Variants in LCLAT1 observed in about 807,000 individuals in gnomAD.
LCLAT1 encodes 1-AGP acyltransferase 8.
LCLAT1 carries 11 observed loss-of-function variants against 30.7 expected under a neutral mutation model. The observed-to-expected ratio is 0.36, with a 90% CI of 0.23 to 0.59. The LOEUF is 0.59. LCLAT1 is among the 20% of genes least tolerant of loss of function. The pLI, the probability that LCLAT1 is intolerant of heterozygous loss-of-function variation, is 0.77. For missense variants in LCLAT1, 402 were observed against 458.6 expected (o/e 0.88, Z 1.13); for synonymous variants, 155 against 151.3 (o/e 1.02, Z -0.18).
At chr2:30,522,050 T>C (rs1404091514) in intron 1 of LCLAT1, among the ~76,000 whole-genome samples, 2 of 152,206 alleles carry the variant, frequency 1.3e-5, no homozygotes, top group Non-Finnish European at 2.9e-5. Flanking sequence ...TTATTCTGAG[T>C]AGTATGCCAT....
chr2:30,498,420 A>G (rs1235453237), intron 1 of LCLAT1, among the ~76,000 whole-genome samples: 1 of 152,224 alleles, frequency 6.6e-6, no homozygotes, highest in African/African-American at 2.4e-5. Flanking sequence ...ACATATGTCA[A>G]ATAGGTGAAA....
chr2:30,524,562 G>A (rs1685619042), intron 1 of LCLAT1, among the ~76,000 whole-genome samples: 1 of 152,106 alleles, frequency 6.6e-6, no homozygotes, highest in African/African-American at 2.4e-5. Flanking sequence ...GTGCCATTCT[G>A]AGTAGCAGGA....
intron 1 of LCLAT1, among the ~76,000 whole-genome samples, chr2:30,474,820 T>TA (rs1682967573): frequency 6.6e-6 from 1 of 151,746 alleles, no homozygotes; most frequent in African/African-American, 2.4e-5. Context: ...GGCTAATTTT[T>TA]AAAAAATTTT....
chr2:30,577,274 C>G (rs1007923963), intron 5 of LCLAT1, among the ~76,000 whole-genome samples: 1 of 151,936 alleles, frequency 6.6e-6, no homozygotes, highest in Non-Finnish European at 1.5e-5. Flanking sequence ...AAGTGTAAGA[C>G]GTTGAAAGAA....
intron 5 of LCLAT1, among the ~76,000 whole-genome samples, chr2:30,608,071 A>T (rs536803032): frequency 6.6e-6 from 1 of 152,058 alleles, no homozygotes; most frequent in African/African-American, 2.4e-5. Flanking sequence ...CTGTAATCCC[A>T]GCACTTTGGG....
At chr2:30,469,574 C>CTTTTTT (rs199634493) in intron 1 of LCLAT1, among the ~76,000 whole-genome samples, 42 of 103,770 alleles carry the variant, frequency 4.0e-4, no homozygotes, top group African/African-American at 7.5e-4. Context: ...CAGGTCTCTT[C>CTTTTTT]TTTTTTTTTT....
intron 5 of LCLAT1, among the ~76,000 whole-genome samples, chr2:30,623,754 T>C (rs897626495): frequency 1.3e-5 from 2 of 152,058 alleles, no homozygotes; most frequent in Non-Finnish European, 2.9e-5. Context: ...TACAAAAAGC[T>C]CAAAGAACAC....
chr2:30,580,501 G>A (rs138944853), intron 5 of LCLAT1, among the ~76,000 whole-genome samples: 1 of 152,292 alleles, frequency 6.6e-6, no homozygotes, highest in East Asian at 1.9e-4. Context: ...TAAGTGAAGA[G>A]TGATATAAGT....
intron 3 of LCLAT1, among the ~76,000 whole-genome samples, chr2:30,535,503 A>G (rs1363829388): frequency 6.6e-6 from 1 of 152,190 alleles, no homozygotes; most frequent in African/African-American, 2.4e-5. Flanking sequence ...CAGCATCCAC[A>G]AACAGCTGCA....
rs6704854 is a variant in LCLAT1 at position 30,533,468 on chromosome 2, G to A, written c.364+154G>A. 4.1e-3 allele frequency: 2,717 copies of A among 663,834 alleles called. 56 individuals carry two copies. The African/African-American group carries it at 0.043, about 11-fold the overall frequency. The allele number at this position is 663,834 out of a possible 1,614,324, so 41.1% of individuals were successfully genotyped here. ...TTTTGTCTTTAGTGGATCTGCTATG[G>A]CAGATGACTTTATTTTAATCTGTTT... On this transcript the variant is annotated intron_variant, in intron 3 of 5. Transcript: ENST00000379509.
At chr2:30,459,059 G>A (rs1338228468) in intron 1 of LCLAT1, among the ~76,000 whole-genome samples, 1 of 152,190 alleles carries the variant, frequency 6.6e-6, no homozygotes, top group Non-Finnish European at 1.5e-5. Context: ...AGTAGAATCA[G>A]GATCCAGGAA....
chr2:30,507,310 C>G (rs1684713165), intron 1 of LCLAT1, among the ~76,000 whole-genome samples: 1 of 152,068 alleles, frequency 6.6e-6, no homozygotes, highest in Non-Finnish European at 1.5e-5. Context: ...TAACTGATGT[C>G]TTTTCAAATT....
chr2:30,520,945 G>T (rs1223020368), intron 1 of LCLAT1, among the ~76,000 whole-genome samples: 1 of 152,134 alleles, frequency 6.6e-6, no homozygotes, highest in Non-Finnish European at 1.5e-5. Flanking sequence ...GTAAAATGAG[G>T]CTGAAACCTA....
intron 5 of LCLAT1, among the ~76,000 whole-genome samples, chr2:30,573,921 A>G (rs1041683673): frequency 6.6e-6 from 1 of 152,110 alleles, no homozygotes; most frequent in Non-Finnish European, 1.5e-5. Flanking sequence ...ATAAATTTGT[A>G]TCATATAATA....
chr2:30,561,360 A>T (rs1210101710), intron 3 of LCLAT1, among the ~76,000 whole-genome samples: 2 of 152,022 alleles, frequency 1.3e-5, no homozygotes, highest in African/African-American at 4.8e-5. Flanking sequence ...CTGAGGGGGA[A>T]CATTTGGTTG....
At chr2:30,452,656 A>G (rs767157225) in intron 1 of LCLAT1, among the ~76,000 whole-genome samples, 1 of 152,128 alleles carries the variant, frequency 6.6e-6, no homozygotes, top group Non-Finnish European at 1.5e-5. Flanking sequence ...CTTTTTCATC[A>G]TTATGAAATA....
intron 5 of LCLAT1, among the ~76,000 whole-genome samples, chr2:30,602,064 G>A (rs1431027765): frequency 6.6e-6 from 1 of 152,058 alleles, no homozygotes; most frequent in Non-Finnish European, 1.5e-5. Flanking sequence ...AGGAGACTTG[G>A]TTGTTTTTCA....
At chr2:30,530,068 A>G (rs1227191213) in intron 2 of LCLAT1, among the ~76,000 whole-genome samples, 1 of 152,202 alleles carries the variant, frequency 6.6e-6, no homozygotes, top group Non-Finnish European at 1.5e-5. Flanking sequence ...TATATAAAAG[A>G]TCCTTGGAAA....
chr2:30,473,223 A>G (rs771961225), intron 1 of LCLAT1, among the ~76,000 whole-genome samples: 4 of 152,322 alleles, frequency 2.6e-5, no homozygotes, highest in Non-Finnish European at 5.9e-5. Flanking sequence ...TAACTACCAT[A>G]TGACAGTTGC....
Sources: allele counts gnomAD v4.1 joint callset (sites outside exome capture counted in the v4.1 genomes callset), GRCh38; gene constraint gnomAD v4.1.1; transcripts MANE v1.5; gene names NCBI Gene and HGNC (gene_info 2026-07-23, HGNC 2026-07-21).